Variants in LRMDA observed in about 807,000 individuals in gnomAD.
LRMDA encodes leucine rich melanocyte differentiation associated.
Under a neutral mutation model 29.8 loss-of-function variants are expected in LRMDA, and 18 were observed. The ratio of observed to expected loss-of-function variants is 0.60; its 90% CI spans 0.42 to 0.90. The LOEUF (loss-of-function observed/expected upper bound fraction) is 0.90, where lower values mean the gene tolerates loss of function less well. Among genes scored for constraint, LRMDA ranks in the 40% least tolerant of loss-of-function variants. The probability of loss-of-function intolerance (pLI) is 0.00; values close to 1 mark genes in which losing one functional copy is unlikely to be tolerated. For missense variants in LRMDA, 273 were observed against 273.9 expected, an observed-to-expected ratio of 1.00 and a Z score of 0.02; for synonymous variants, 125 against 109.4, an observed-to-expected ratio of 1.14 and a Z score of -0.89.
chr10:76,467,727 C>T (rs1365942605), intron 6 of LRMDA, among the ~76,000 whole-genome samples: 4 of 152,116 alleles, frequency 2.6e-5, no homozygotes, highest in African/African-American at 9.7e-5. Flanking sequence ...ATGCCTTGCT[C>T]GGTCCTTCAT....
chr10:76,228,388 G>A (rs1310220176), intron 5 of LRMDA, among the ~76,000 whole-genome samples: 3 of 152,070 alleles, frequency 2.0e-5, no homozygotes, highest in Admixed American at 6.5e-5. Context: ...AAAGACCATG[G>A]CATTGTAATA....
intron 2 of LRMDA, among the ~76,000 whole-genome samples, chr10:75,597,643 C>T (rs1840809624): frequency 6.6e-6 from 1 of 152,210 alleles, no homozygotes; most frequent in South Asian, 2.1e-4. Context: ...CCCCCTCTCT[C>T]CCATTCACTT....
chr10:76,426,052 C>A (rs1842122498), intron 6 of LRMDA, among the ~76,000 whole-genome samples: 1 of 152,100 alleles, frequency 6.6e-6, no homozygotes, highest in African/African-American at 2.4e-5. Context: ...AGTAGTGCCG[C>A]AAATAAACAT....
intron 5 of LRMDA, among the ~76,000 whole-genome samples, chr10:76,292,031 A>G (rs1343635718): frequency 6.6e-6 from 1 of 152,158 alleles, no homozygotes; most frequent in African/African-American, 2.4e-5. Flanking sequence ...AGTGAACCAT[A>G]CAAGTCAATG....
At chr10:75,940,827 G>A (rs561379623) in intron 2 of LRMDA, among the ~76,000 whole-genome samples, 132 of 152,086 alleles carry the variant, frequency 8.7e-4, no homozygotes, top group Non-Finnish European at 1.6e-3. Context: ...GAAATAGTCT[G>A]GGGTTTGATC....
At chr10:75,734,274 T>G (rs74368203) in intron 2 of LRMDA, among the ~76,000 whole-genome samples, 257 of 152,196 alleles carry the variant, frequency 1.7e-3, no homozygotes, top group African/African-American at 5.3e-3. Context: ...CAGTAGTTAT[T>G]GAGAGAGAGA....
chr10:75,476,561 G>A (rs1844793604), intron 2 of LRMDA, among the ~76,000 whole-genome samples: 1 of 152,128 alleles, frequency 6.6e-6, no homozygotes, highest in Admixed American at 6.5e-5. Context: ...GAATTGCCTA[G>A]AGTCACGGTC....
intron 6 of LRMDA, among the ~76,000 whole-genome samples, chr10:76,335,745 C>G (rs1362766750): frequency 6.6e-6 from 1 of 152,110 alleles, no homozygotes; most frequent in South Asian, 2.1e-4. Context: ...TAGAAAGGAA[C>G]AGCTGGGTGA....
chr10:76,244,534 T>C (rs974612372), intron 5 of LRMDA, among the ~76,000 whole-genome samples: 4 of 152,238 alleles, frequency 2.6e-5, no homozygotes, highest in South Asian at 4.2e-4. Flanking sequence ...ATGCAGTTCA[T>C]TGAATGCAGC....
At chr10:76,410,298 CTTT>C (rs1172213249) in intron 6 of LRMDA, among the ~76,000 whole-genome samples, 16 of 66,562 alleles carry the variant, frequency 2.4e-4, no homozygotes, top group African/African-American at 7.7e-4. Context: ...CACTTTCTTT[CTTT>C]TTTTTTTTTT....
intron 2 of LRMDA, among the ~76,000 whole-genome samples, chr10:75,525,592 C>CA (rs1554897111): frequency 7.7e-6 from 1 of 129,718 alleles, no homozygotes; most frequent in African/African-American, 2.9e-5. Flanking sequence ...TTCTTTCTTT[C>CA]TTTTTTTTTT....
intron 5 of LRMDA, among the ~76,000 whole-genome samples, chr10:76,066,612 A>G (rs1024578917): frequency 6.6e-6 from 1 of 152,126 alleles, no homozygotes; most frequent in African/African-American, 2.4e-5. Flanking sequence ...TACATTTCTG[A>G]TGGAAGGCAG....
At chr10:75,756,467 G>C (rs1241937225) in intron 2 of LRMDA, among the ~76,000 whole-genome samples, 1 of 152,190 alleles carries the variant, frequency 6.6e-6, no homozygotes, top group Non-Finnish European at 1.5e-5. Context: ...CCCAATATCA[G>C]CCTTGGCCTG....
intron 2 of LRMDA, among the ~76,000 whole-genome samples, chr10:75,878,773 C>T (rs1276802886): frequency 6.6e-6 from 1 of 152,150 alleles, no homozygotes; most frequent in African/African-American, 2.4e-5. Flanking sequence ...AAAGACGGTA[C>T]CAGGAGTGTA....
intron 2 of LRMDA, among the ~76,000 whole-genome samples, chr10:75,914,289 T>C (rs570670813): frequency 1.3e-5 from 2 of 152,344 alleles, no homozygotes; most frequent in African/African-American, 4.8e-5. Context: ...ATGGCTAGTT[T>C]ATGTTAATGG....
At chr10:76,393,672 C>T (rs1334593155) in intron 6 of LRMDA, among the ~76,000 whole-genome samples, 2 of 152,062 alleles carry the variant, frequency 1.3e-5, no homozygotes, top group African/African-American at 4.8e-5. Context: ...TTGATGTAAT[C>T]CCAATTATTT....
chr10:75,613,978 G>A (rs1192595079), intron 2 of LRMDA, among the ~76,000 whole-genome samples: 1 of 152,112 alleles, frequency 6.6e-6, no homozygotes, highest in Non-Finnish European at 1.5e-5. Context: ...TCCAAACAGG[G>A]AACCATATGG....
intron 2 of LRMDA, among the ~76,000 whole-genome samples, chr10:75,847,806 C>T (rs2132307701): frequency 6.6e-6 from 1 of 152,230 alleles, no homozygotes; most frequent in East Asian, 1.9e-4. Context: ...AATGGAAAGA[C>T]ATCCTCTAAA....
chr10:75,608,854 C>T (rs1413980420), intron 2 of LRMDA, among the ~76,000 whole-genome samples: 1 of 152,162 alleles, frequency 6.6e-6, no homozygotes, highest in Non-Finnish European at 1.5e-5. Context: ...CAAAGAATCC[C>T]TTTTTGGTTA....
Sources: allele counts gnomAD v4.1 joint callset (sites outside exome capture counted in the v4.1 genomes callset), GRCh38; gene constraint gnomAD v4.1.1; transcripts MANE v1.5; gene names NCBI Gene and HGNC (gene_info 2026-07-23, HGNC 2026-07-21).